The following COLEC10 variants were observed in gnomAD, a reference collection of about 807,000 sequenced individuals.
The protein encoded by COLEC10 is collectin-10.
A neutral mutation model predicts 28.4 loss-of-function variants in COLEC10; 22 were observed. The ratio of observed to expected loss-of-function variants is 0.78; its 90% CI spans 0.55 to 1.11. The LOEUF (loss-of-function observed/expected upper bound fraction) is 1.11, where lower values mean the gene tolerates loss of function less well. Among genes scored for constraint, COLEC10 ranks in the 50% least tolerant of loss-of-function variants. The pLI is 0.00. For missense variants in COLEC10, 361 were observed against 344.1 expected (o/e 1.05, Z -0.39); for synonymous variants, 125 against 116.1 (o/e 1.08, Z -0.49).
At chr8:119,077,741 A>G (rs1461220197) in intron 1 of COLEC10, among the ~76,000 whole-genome samples, 1 of 152,148 alleles carries the variant, frequency 6.6e-6, no homozygotes, top group East Asian at 1.9e-4. Flanking sequence ...TGACATTTTA[A>G]TAAGGTAGAA....
upstream of COLEC10, among the ~76,000 whole-genome samples, chr8:118,994,953 T>C (rs1166806653): frequency 1.3e-5 from 2 of 152,116 alleles, no homozygotes; most frequent in Non-Finnish European, 2.9e-5. Flanking sequence ...TTAATACTTA[T>C]TAAGGATGTG....
chr8:119,004,518 C>T (rs949809491), intron 1 of COLEC10, among the ~76,000 whole-genome samples: 4 of 151,052 alleles, frequency 2.6e-5, no homozygotes, highest in Non-Finnish European at 4.4e-5. Context: ...CCTTGAACTC[C>T]GCATTGATAT....
At chr8:119,058,728 A>G (rs1814804014) in intron 2 of COLEC10, among the ~76,000 whole-genome samples, 1 of 152,054 alleles carries the variant, frequency 6.6e-6, no homozygotes, top group Admixed American at 6.6e-5. Context: ...ATGAACATTT[A>G]TGAAGAAGTG....
At chr8:118,998,881 T>C (rs1336815449) in intron 1 of COLEC10, among the ~76,000 whole-genome samples, 2 of 146,560 alleles carry the variant, frequency 1.4e-5, no homozygotes, top group East Asian at 4.1e-4. Flanking sequence ...AACTTGGATA[T>C]GCTTGACTTG....
At chr8:119,092,634 A>G (rs935926433) in intron 3 of COLEC10, among the ~76,000 whole-genome samples, 8 of 152,144 alleles carry the variant, frequency 5.3e-5, no homozygotes, top group Non-Finnish European at 7.4e-5. Context: ...GGCCGGATGC[A>G]GTGGCTCACA....
At chr8:119,032,936 G>C (rs1025813989) in intron 2 of COLEC10, among the ~76,000 whole-genome samples, 1 of 152,070 alleles carries the variant, frequency 6.6e-6, no homozygotes, top group Non-Finnish European at 1.5e-5. Context: ...ACAAACCAGA[G>C]GTCTTCCTGG....
At chr8:119,093,686 C>A (rs1815656323) in intron 3 of COLEC10, among the ~76,000 whole-genome samples, 1 of 152,182 alleles carries the variant, frequency 6.6e-6, no homozygotes, top group African/African-American at 2.4e-5. Flanking sequence ...CCTAACAAGG[C>A]TTTTAAGACA....
intron 2 of COLEC10, among the ~76,000 whole-genome samples, chr8:119,018,199 T>G (rs1211125625): frequency 6.6e-6 from 1 of 152,198 alleles, no homozygotes; most frequent in Non-Finnish European, 1.5e-5. Context: ...TTACTAAAAG[T>G]GTCCTGAAGA....
intron 2 of COLEC10, among the ~76,000 whole-genome samples, chr8:119,047,898 A>G (rs1016305055): frequency 2.0e-5 from 3 of 152,356 alleles, no homozygotes; most frequent in Admixed American, 1.3e-4. Context: ...ATCAGTCTAT[A>G]TGATAACCCC....
chr8:119,018,894 T>C (rs1190699731), intron 2 of COLEC10, among the ~76,000 whole-genome samples: 4 of 152,180 alleles, frequency 2.6e-5, no homozygotes, highest in Non-Finnish European at 5.9e-5. Flanking sequence ...CCCAGGGAAA[T>C]CTTCCATAAC....
chr8:118,972,137 C>G, the COLEC10 span, among the ~76,000 whole-genome samples: 1 of 151,854 alleles, frequency 6.6e-6, no homozygotes, highest in South Asian at 2.1e-4. Context: ...CAATTTTTCT[C>G]TTGATGGTCA....
chr8:119,103,851 T>C lies in COLEC10; in HGVS notation c.398T>C (p.Ile133Thr). 1 of 1,612,894 alleles carries C rather than the reference T, an allele frequency of 6.2e-7. No homozygotes were observed. Among genetic ancestry groups the C allele is most frequent in the Non-Finnish European group, 8.5e-7 (1 of 1,179,130 alleles). Residue 133 changes from isoleucine to threonine, a missense_variant, in exon 5 of 6, where the codon ATT becomes ACT. Around this residue, in one of 3 missense-constraint regions of COLEC10, gnomAD observed 335 missense variants for 308.5 expected, o/e 1.09. Coordinates refer to ENST00000332843, the MANE Select transcript of COLEC10 (RefSeq NM_006438.5). ...CGGAAATTTGTTGGACAACTGGATA[T>C]TAGTATTGCTCGGCTCAAGACATCT... ...RYRKFVGQLDISIARLKTSMK... is the reference protein window; with the variant it reads ...RYRKFVGQLDTSIARLKTSMK...
chr8:119,000,678 T>A (rs1240641607), intron 1 of COLEC10, among the ~76,000 whole-genome samples: 1 of 152,108 alleles, frequency 6.6e-6, no homozygotes, highest in Non-Finnish European at 1.5e-5. Flanking sequence ...GGTCAGGAAA[T>A]TTCTTAATTG....
the COLEC10 span, among the ~76,000 whole-genome samples, chr8:118,975,603 G>T: frequency 6.6e-6 from 1 of 152,038 alleles, no homozygotes; most frequent in Non-Finnish European, 1.5e-5. Flanking sequence ...CCTATAACTG[G>T]TAAGGTCTCC....
the COLEC10 span, among the ~76,000 whole-genome samples, chr8:118,964,709 T>A: frequency 6.6e-6 from 1 of 152,196 alleles, no homozygotes. Context: ...TCTCCTCTGC[T>A]TCTGAATTTT....
At chr8:119,064,275 T>C (rs868244955), upstream of COLEC10, among the ~76,000 whole-genome samples, 2 of 148,972 alleles carry the variant, frequency 1.3e-5, no homozygotes, top group African/African-American at 5.2e-5. Flanking sequence ...TATAGGAATG[T>C]ATTTATATGC....
chr8:119,036,867 C>A (rs1486081074), intron 2 of COLEC10, among the ~76,000 whole-genome samples: 2 of 152,126 alleles, frequency 1.3e-5, no homozygotes, highest in Non-Finnish European at 2.9e-5. Flanking sequence ...GAGGAGGGAG[C>A]AAATACTGAA....
At chr8:118,984,726 A>T in the COLEC10 span, among the ~76,000 whole-genome samples, 1 of 152,070 alleles carries the variant, frequency 6.6e-6, no homozygotes, top group Non-Finnish European at 1.5e-5. Flanking sequence ...AAGGAAAGGG[A>T]GGTATATTAG....
In COLEC10 at chr8:119,079,126, T is replaced by C. The variant is rs1164144123; in HGVS notation, c.149-10554T>C. Among the ~76,000 whole-genome samples, 3 of 152,108 alleles carry C rather than the reference T, an allele frequency of 2.0e-5. No individual in the cohort carries two copies. The East Asian group carries it at 5.8e-4, about 29-fold the overall frequency. On this transcript the variant is annotated intron_variant, in intron 1 of 5. Coordinates refer to ENST00000332843, the MANE Select transcript of COLEC10 (RefSeq NM_006438.5). Reference sequence around the variant, plus strand: ...CCCCTTGTCCTCTTCCTTGTACCTCTTTCATTTCTAGTGACTAGAAATTCC... The same window carrying C: ...CCCCTTGTCCTCTTCCTTGTACCTCCTTCATTTCTAGTGACTAGAAATTCC...
Sources: allele counts gnomAD v4.1 joint callset (sites outside exome capture counted in the v4.1 genomes callset), GRCh38; gene constraint gnomAD v4.1.1; regional missense constraint gnomAD v4.1.1; transcripts MANE v1.5; gene names NCBI Gene and HGNC (gene_info 2026-07-23, HGNC 2026-07-21).